The following TPCN2 variants were observed in gnomAD, a reference collection of about 807,000 sequenced individuals.
The protein encoded by TPCN2 is two pore segment channel 2.
TPCN2 carries 92 observed loss-of-function variants against 111.4 expected under a neutral mutation model. The ratio of observed to expected loss-of-function variants is 0.83; its 90% CI spans 0.70 to 0.98. The LOEUF is 0.98. Among genes scored for constraint, TPCN2 ranks in the 50% least tolerant of loss-of-function variants. The probability of loss-of-function intolerance (pLI) is 0.00; values close to 1 mark genes in which losing one functional copy is unlikely to be tolerated. For missense variants in TPCN2, 995 were observed against 980.1 expected, an observed-to-expected ratio of 1.02 and a Z score of -0.20; for synonymous variants, 405 against 414.5, an observed-to-expected ratio of 0.98 and a Z score of 0.28.
intron 13 of TPCN2, among the ~76,000 whole-genome samples, chr11:69,076,155 G>A (rs1354609678): frequency 6.6e-6 from 1 of 152,172 alleles, no homozygotes; most frequent in Admixed American, 6.5e-5. Flanking sequence ...ACCTGGAAGG[G>A]GACCCTCCGA....
In TPCN2 at chr11:69,071,386, C is replaced by T. The variant is rs771862114; in HGVS notation, c.926C>T (p.Ala309Val). 6.2e-7 allele frequency: 1 copy of T among 1,613,912 alleles called. No homozygotes were observed. The highest frequency in any genetic ancestry group is 8.5e-7 in the Non-Finnish European group (1 of 1,179,932). The change falls in exon 10 of 25, where the codon GCC becomes GTC. Residue 309 changes from alanine to valine, a missense_variant. Ala to Val is a moderately conservative substitution (Grantham distance 64). Coordinates refer to ENST00000294309, the MANE Select transcript of TPCN2 (RefSeq NM_139075.4). ...CTGTTTCTGATGAACCTGCTGACAG[C>T]CATCATCTACAGTCAGTTCCGGGGC... ...GSLFLMNLLTAIIYSQFRGYL... is the reference protein window; with the variant it reads ...GSLFLMNLLTVIIYSQFRGYL...
At chr11:69,050,429 G>A (rs150527451) in intron 1 of TPCN2, among the ~76,000 whole-genome samples, 13,009 of 152,284 alleles carry the variant, frequency 0.085, 934 homozygotes, top group Non-Finnish European at 0.12. Flanking sequence ...AGGCTGGAGT[G>A]CAGTGGCGTG....
chr11:69,068,025 C>T (rs1180951460), intron 8 of TPCN2, among the ~76,000 whole-genome samples: 1 of 152,154 alleles, frequency 6.6e-6, no homozygotes, highest in Non-Finnish European at 1.5e-5. Context: ...GCGGTTGCTG[C>T]CGAGGTTCAG....
chr11:69,058,426 A>G (rs979655162), intron 5 of TPCN2, among the ~76,000 whole-genome samples: 1 of 151,994 alleles, frequency 6.6e-6, no homozygotes, highest in Non-Finnish European at 1.5e-5. Context: ...AGGGGCCCAT[A>G]GAGCTGGGTT....
At chr11:69,052,208 C>G (rs1351676421) in intron 1 of TPCN2, among the ~76,000 whole-genome samples, 1 of 152,130 alleles carries the variant, frequency 6.6e-6, no homozygotes, top group East Asian at 1.9e-4. Context: ...AACTCGGCCG[C>G]TTGTCTCTTG....
intron 1 of TPCN2, among the ~76,000 whole-genome samples, chr11:69,051,718 G>A (rs1275188225): frequency 1.3e-5 from 2 of 152,236 alleles, no homozygotes; most frequent in East Asian, 3.8e-4. Flanking sequence ...CCCCCAGGGT[G>A]ATGAGCTCAG....
chr11:69,086,679 C>T, intron 23 of TPCN2, 75 bp downstream of exon 23: 1 of 1,427,936 alleles, frequency 7.0e-7, no homozygotes, highest in Non-Finnish European at 9.9e-7. Flanking sequence ...CCTGAGGCCA[C>T]CGGCCGGGCC....
At chr11:69,059,614 G>A (rs72919415) in intron 5 of TPCN2, among the ~76,000 whole-genome samples, 20,294 of 152,314 alleles carry the variant, frequency 0.13, 1,904 homozygotes, top group South Asian at 0.2. Context: ...CCTACAGCCA[G>A]CTACTGTGGG....
At position 69,079,886 on chromosome 11, in the gene TPCN2, A is replaced by G. The variant is rs759554802; in HGVS notation, c.1589+3A>G. ...TACCGATTGCCACACCCAGGCTGGT[A>G]TGTGACTGGGCAGAACCGAGGGCGG... is the stretch of plus-strand genomic sequence containing the variant. On this transcript the variant is annotated splice_donor_region_variant and intron_variant, in intron 17 of 24. Transcript: ENST00000294309. 3.1e-6 allele frequency: 5 copies of G among 1,613,708 alleles called. No individual in the cohort carries two copies. In the South Asian group the frequency reaches 5.5e-5, roughly 18 times the overall value.
At chr11:69,078,239 C>T (rs1194369549) in intron 13 of TPCN2, among the ~76,000 whole-genome samples, 1 of 151,738 alleles carries the variant, frequency 6.6e-6, no homozygotes, top group South Asian at 2.1e-4. Context: ...GGTTTACTTA[C>T]AGCCTCAGTG....
chr11:69,079,788 G>A (rs777962604), intron 16 of TPCN2, 46 bp from the exon 17 acceptor site: 1 of 1,583,334 alleles, frequency 6.3e-7, no homozygotes, highest in Admixed American at 1.7e-5. Flanking sequence ...GGGCCGCCCA[G>A]ATTAGTGTTG....
intron 21 of TPCN2, 48 bp downstream of exon 21, chr11:69,085,800 C>G (rs1336425547): frequency 2.5e-6 from 4 of 1,612,898 alleles, no homozygotes; most frequent in Non-Finnish European, 2.5e-6. Context: ...GGCTCCTCCC[C>G]TCCCTACCTC....
chr11:69,057,465 T>C (rs1432377208), intron 4 of TPCN2, 113 bp from the exon 5 acceptor site: 1 of 989,988 alleles, frequency 1.0e-6, no homozygotes, highest in Non-Finnish European at 1.6e-6. Flanking sequence ...CACACTGTTG[T>C]GGAGGCGCAC....
chr11:69,089,276 A>G lies in TPCN2; in HGVS notation c.*1323A>G, dbSNP rs1039193317. 8.5e-5 allele frequency: 13 copies of G among 152,112 alleles called. No homozygotes were observed. The highest frequency in any genetic ancestry group is 3.1e-4 in the African/African-American group (13 of 41,404). The allele number at this position is 152,112 out of a possible 1,614,324, so 9.4% of individuals were successfully genotyped here. Reference sequence around the variant, plus strand: ...TAACAATAACAATAACAATATGGAAACCACCGCAAACTTGGAGAAAAGTTG... The same window carrying G: ...TAACAATAACAATAACAATATGGAAGCCACCGCAAACTTGGAGAAAAGTTG... On this transcript the variant is annotated 3_prime_UTR_variant, in exon 25 of 25. Coordinates refer to ENST00000294309, the MANE Select transcript of TPCN2 (RefSeq NM_139075.4).
In TPCN2 at chr11:69,071,553, C is replaced by T. The variant is rs540947635; in HGVS notation, c.960+133C>T. ...GGACGGGAGGGCAGGGTTGCCACCTCTTGTGGATCAGCCGGGGATGCACAT... is the reference window on the plus strand; with the variant it reads ...GGACGGGAGGGCAGGGTTGCCACCTTTTGTGGATCAGCCGGGGATGCACAT... On this transcript the variant is annotated intron_variant, in intron 10 of 24. Coordinates refer to ENST00000294309, the MANE Select transcript of TPCN2 (RefSeq NM_139075.4). The T allele has an allele frequency of 1.2e-5, 9 of 768,140 alleles. No homozygotes were observed. In the East Asian group the frequency reaches 1.6e-4, roughly 14 times the overall value. The allele number at this position is 768,140 out of a possible 1,614,324, so 47.6% of individuals were successfully genotyped here. A position where few individuals can be genotyped will look rare whatever the true frequency, so the allele number is the denominator to read the frequency against.
In TPCN2 at chr11:69,062,806, G is replaced by C. The variant is rs570909704; in HGVS notation, c.547-78G>C. On this transcript the variant is annotated intron_variant, in intron 5 of 24. Transcript: ENST00000294309. ...CCCAGGGCACTGGGGTCTCTGAACC[G>C]TGTGCCCATCTGGGATGGTCGGTGA... 5.1e-6 allele frequency: 7 copies of C among 1,365,068 alleles called. No individual in the cohort carries two copies. The Admixed American group carries it at 5.2e-5, about 10-fold the overall frequency. The allele number at this position is 1,365,068 out of a possible 1,614,324, so 84.6% of individuals were successfully genotyped here.
At chr11:69,058,494 A>G (rs1590710052) in intron 5 of TPCN2, among the ~76,000 whole-genome samples, 1 of 148,176 alleles carries the variant, frequency 6.7e-6, no homozygotes, top group East Asian at 2.0e-4. Flanking sequence ...GCCTCCCAGA[A>G]GCTCAATGAG....
Position 69,072,624 on chromosome 11 carries a change from C to T in TPCN2, c.1062-3C>T. The T allele has an allele frequency of 6.2e-7, 1 of 1,613,754 alleles. No individual in the cohort carries two copies. The highest frequency in any genetic ancestry group is 8.5e-7 in the Non-Finnish European group (1 of 1,179,940). On this transcript the variant is annotated splice_region_variant and splice_polypyrimidine_tract_variant and intron_variant, in intron 11 of 24. Coordinates refer to ENST00000294309, the MANE Select transcript of TPCN2 (RefSeq NM_139075.4). ...TCACCGGGCTGTGGGTTTTTCCCTG[C>T]AGAGTTGGGGTGAAGCCCCAGAACT... is the stretch of plus-strand genomic sequence containing the variant.
Position 69,087,862 on chromosome 11 carries a change from C to G in TPCN2, c.2181-13C>G, listed in dbSNP as rs140680690. 1.0e-3 allele frequency: 1,686 copies of G among 1,611,190 alleles called. 2 individuals are homozygous for G. Among genetic ancestry groups the G allele is most frequent in the Non-Finnish European group, 1.4e-3 (1,625 of 1,178,870 alleles). ...TTAGAGGCCCCTGTGTGCATCTTTCCTCAATTCCACAGGGATATTCTGGAG... is the reference window on the plus strand; with the variant it reads ...TTAGAGGCCCCTGTGTGCATCTTTCGTCAATTCCACAGGGATATTCTGGAG... On this transcript the variant is annotated splice_polypyrimidine_tract_variant and intron_variant, in intron 24 of 24. Transcript: ENST00000294309.
Sources: gnomAD v4.1 joint callset for allele counts (sites outside exome capture counted in the v4.1 genomes callset) on GRCh38, gnomAD v4.1.1 for gene constraint, MANE v1.5 for transcripts, NCBI Gene and HGNC (gene_info 2026-07-23, HGNC 2026-07-21) for gene names.